NTN1: variants seen among roughly 807,000 people sequenced by gnomAD.
The protein encoded by NTN1 is netrin-1.
A neutral mutation model predicts 54.2 loss-of-function variants in NTN1; 11 were observed. The observed-to-expected ratio is 0.20, with a 90% CI of 0.13 to 0.34. The LOEUF (loss-of-function observed/expected upper bound fraction) is 0.34. Ranked by LOEUF, NTN1 falls within the 10% of genes least tolerant of loss-of-function variation. The pLI, the probability that NTN1 is intolerant of heterozygous loss-of-function variation, is 1.00. For missense variants in NTN1, 740 were observed against 893.1 expected (o/e 0.83, Z 2.18); for synonymous variants, 371 against 382.0 (o/e 0.97, Z 0.33).
chr17:9,195,373 C>T lies in NTN1; in HGVS notation c.1411+12404C>T, dbSNP rs868012797. Among the ~76,000 whole-genome samples, 62 of 152,280 alleles carry T rather than the reference C, an allele frequency of 4.1e-4. No homozygotes were observed. In the Middle Eastern group the frequency reaches 0.014, roughly 33 times the overall value. On this transcript the variant is annotated intron_variant, in intron 5 of 6. Transcript: ENST00000173229. ...GGGAGGCCAGAGGAGCAAGTGGGGG[C>T]GGAATATTTAGCCCTTCTTGGGAGC... is the stretch of plus-strand genomic sequence containing the variant.
intron 2 of NTN1, among the ~76,000 whole-genome samples, chr17:9,068,155 C>T (rs1222987356): frequency 2.6e-5 from 4 of 152,060 alleles, no homozygotes; most frequent in African/African-American, 7.2e-5. Flanking sequence ...TTTAGGGAAA[C>T]GTCTGTTTGG....
At chr17:9,210,940 C>T (rs996826164) in intron 5 of NTN1, among the ~76,000 whole-genome samples, 3 of 135,826 alleles carry the variant, frequency 2.2e-5, no homozygotes, top group African/African-American at 8.2e-5. Context: ...AAAAAAAAGC[C>T]TCACCTTAGA....
intron 2 of NTN1, among the ~76,000 whole-genome samples, chr17:9,117,781 A>T (rs2092219049): frequency 6.6e-6 from 1 of 150,898 alleles, no homozygotes; most frequent in Non-Finnish European, 1.5e-5. Context: ...CAAAAAAAAA[A>T]AAAAAACAAG....
intron 2 of NTN1, among the ~76,000 whole-genome samples, chr17:9,148,757 C>T (rs2092320231): frequency 6.6e-6 from 1 of 151,562 alleles, no homozygotes; most frequent in Admixed American, 6.6e-5. Flanking sequence ...CACCCTGTCC[C>T]TGTCCACGAG....
At chr17:9,044,985 T>G (rs564226339) in intron 2 of NTN1, among the ~76,000 whole-genome samples, 44 of 152,306 alleles carry the variant, frequency 2.9e-4, no homozygotes, top group Non-Finnish European at 4.9e-4. Flanking sequence ...TTAACTTGAA[T>G]GGATTATGAC....
At position 9,196,363 on chromosome 17, in the gene NTN1, C is replaced by T. The variant is rs1048422790; in HGVS notation, c.1411+13394C>T. On this transcript the variant is annotated intron_variant, in intron 5 of 6. Coordinates refer to ENST00000173229, the MANE Select transcript of NTN1 (RefSeq NM_004822.3). ...AGCCTTGCTCTTGTGGACATAGACC[C>T]TCAGAGTTGGAAGGAGCAGCACAGT... Among the ~76,000 whole-genome samples, 7 of 152,340 alleles carry T rather than the reference C, an allele frequency of 4.6e-5. No individual in the cohort carries two copies. In the South Asian group the frequency reaches 1.0e-3, roughly 23 times the overall value.
At chr17:9,226,421 CGGTCTCGTGGGG>C in intron 6 of NTN1, among the ~76,000 whole-genome samples, 1 of 143,144 alleles carries the variant, frequency 7.0e-6, no homozygotes, top group Admixed American at 7.0e-5. Context: ...CGTGGGGAGG[CGGTCTCGTGGGG>C]AGGCGGTCTC....
chr17:9,084,645 G>GTT (rs35003160), intron 2 of NTN1, among the ~76,000 whole-genome samples: 2,389 of 83,260 alleles, frequency 0.029, 66 homozygotes, highest in Non-Finnish European at 0.042. Flanking sequence ...GTTCTTTGCA[G>GTT]TTTTTTTTTT....
intron 5 of NTN1, among the ~76,000 whole-genome samples, chr17:9,214,677 C>G (rs1297815200): frequency 6.6e-6 from 1 of 152,148 alleles, no homozygotes; most frequent in Non-Finnish European, 1.5e-5. Context: ...AAAAAATTAG[C>G]CAGGCATGGT....
chr17:9,158,357 A>G (rs2092349149), intron 2 of NTN1, among the ~76,000 whole-genome samples: 1 of 152,124 alleles, frequency 6.6e-6, no homozygotes, highest in Non-Finnish European at 1.5e-5. Flanking sequence ...GCCCCTCTGG[A>G]AAATGCAGGA....
At chr17:9,192,909 C>A (rs370785799) in intron 5 of NTN1, among the ~76,000 whole-genome samples, 1 of 151,998 alleles carries the variant, frequency 6.6e-6, no homozygotes, top group Middle Eastern at 3.4e-3. Flanking sequence ...GGTGAAACCC[C>A]GTCTCTACTA....
intron 2 of NTN1, among the ~76,000 whole-genome samples, chr17:9,061,291 G>A (rs1045112799): frequency 2.6e-5 from 4 of 152,106 alleles, no homozygotes; most frequent in African/African-American, 9.7e-5. Flanking sequence ...AGTGAGGAAG[G>A]TGGCTGATTC....
chr17:9,195,325 C>T (rs912253118), intron 5 of NTN1, among the ~76,000 whole-genome samples: 7 of 152,114 alleles, frequency 4.6e-5, no homozygotes, highest in Admixed American at 4.6e-4. Context: ...CCACCAGCCT[C>T]GAGGAGGATA....
upstream of NTN1, among the ~76,000 whole-genome samples, chr17:9,021,042 C>G (rs1313368991): frequency 1.3e-5 from 2 of 152,190 alleles, no homozygotes; most frequent in African/African-American, 4.8e-5. Flanking sequence ...GCGGTGCCAC[C>G]GGGGGCCATC....
At chr17:9,179,744 C>G in intron 3 of NTN1, 63 bp from the exon 4 acceptor site, 1 of 1,564,444 alleles carries the variant, frequency 6.4e-7, no homozygotes, top group Non-Finnish European at 8.7e-7. Flanking sequence ...GTAGGGAAGG[C>G]TCTGCGGGGA....
At chr17:9,074,977 T>A (rs999910678) in intron 2 of NTN1, among the ~76,000 whole-genome samples, 5 of 152,204 alleles carry the variant, frequency 3.3e-5, no homozygotes, top group African/African-American at 1.2e-4. Context: ...CATGTGAGTG[T>A]GGATGTGGAA....
chr17:9,079,797 G>A (rs2092064394), intron 2 of NTN1, among the ~76,000 whole-genome samples: 1 of 151,858 alleles, frequency 6.6e-6, no homozygotes, highest in South Asian at 2.1e-4. Context: ...TCCTCAGCAG[G>A]CCTGTTTCCT....
chr17:9,114,661 G>A (rs1340246782), intron 2 of NTN1, among the ~76,000 whole-genome samples: 2 of 152,074 alleles, frequency 1.3e-5, no homozygotes, highest in Non-Finnish European at 2.9e-5. Context: ...GCTAAGGCAC[G>A]GAGAATCGCT....
rs2092278530 is a variant in NTN1, at chr17:9,135,647, T to C, written c.1019-27166T>C. Among the ~76,000 whole-genome samples, 1 of 152,188 alleles carries C rather than the reference T, an allele frequency of 6.6e-6. No individual in the cohort carries two copies. The highest frequency in any genetic ancestry group is 1.5e-5 in the Non-Finnish European group (1 of 68,040). On this transcript the variant is annotated intron_variant, in intron 2 of 6. Transcript: ENST00000173229. The surrounding 1 kb of genome is among the most constrained non-coding windows in gnomAD (Gnocchi z 4.4). Reference sequence around the variant, plus strand: ...CAGCTGGTGTGTGGAGCCTCTGCTTTTTCTGTAGAGACTGGACTCTTACTT... The same window carrying C: ...CAGCTGGTGTGTGGAGCCTCTGCTTCTTCTGTAGAGACTGGACTCTTACTT...
Sources: allele counts gnomAD v4.1 joint callset (sites outside exome capture counted in the v4.1 genomes callset), GRCh38; gene constraint gnomAD v4.1.1; non-coding constraint Gnocchi (gnomAD v3.1); transcripts MANE v1.5; gene names NCBI Gene and HGNC (gene_info 2026-07-23, HGNC 2026-07-21).